ZNF469: variants seen among roughly 807,000 people sequenced by gnomAD.
ZNF469 encodes zinc finger protein 469.
ZNF469 carries 1 observed loss-of-function variant against 1.0 expected under a neutral mutation model. The ratio of observed to expected loss-of-function variants is 1.00; its 90% CI spans 0.35 to 4.73. ZNF469 has a LOEUF of 4.73. ZNF469 is among the 30% of genes most tolerant of loss of function. The pLI is 0.16. For synonymous variants in ZNF469, 2,703 were observed against 2,363.4 expected, an observed-to-expected ratio of 1.14 and a Z score of -4.17; for missense variants, 6,100 against 5,356.3, an observed-to-expected ratio of 1.14 and a Z score of -4.33.
chr16:88,173,195 T>C, the ZNF469 span, among the ~76,000 whole-genome samples: 2 of 152,282 alleles, frequency 1.3e-5, no homozygotes, highest in Admixed American at 6.5e-5. Flanking sequence ...AAGCCAGTGA[T>C]AAAGAGAAAT....
chr16:88,428,833 C>A lies in ZNF469; in HGVS notation c.1363C>A (p.Pro455Thr), dbSNP rs560911127. ...CCCTTACCCCACACCTCCTGGGGGC[C>A]CCCTGGCTGCCACCAGGAGTATGTT... ...AAPYPTPPGGPLAATRSMFFN... is the reference protein window; with the variant it reads ...AAPYPTPPGGTLAATRSMFFN... Residue 455 changes from proline (P) to threonine (T), a missense_variant, in exon 3 of 3, where the codon CCC becomes ACC. Transcript: ENST00000565624. The A allele has an allele frequency of 1.1e-4, 171 of 1,547,954 alleles. 3 individuals carry two copies. The African/African-American group carries it at 2.0e-3, about 18-fold the overall frequency.
At chr16:88,320,308 G>T in the ZNF469 span, among the ~76,000 whole-genome samples, 46 of 152,252 alleles carry the variant, frequency 3.0e-4, no homozygotes, top group African/African-American at 9.1e-4. Context: ...TACTCTAATG[G>T]TAATAATTAT....
the ZNF469 span, among the ~76,000 whole-genome samples, chr16:88,162,392 A>G: frequency 1.3e-5 from 2 of 151,180 alleles, no homozygotes; most frequent in East Asian, 3.9e-4. Context: ...CACATCAATG[A>G]CATAGTGTTA....
chr16:88,301,378 T>C, the ZNF469 span, among the ~76,000 whole-genome samples: 1 of 152,170 alleles, frequency 6.6e-6, no homozygotes, highest in East Asian at 1.9e-4. Context: ...ATGGTCTCAA[T>C]CTCCTGACCT....
the ZNF469 span, among the ~76,000 whole-genome samples, chr16:88,153,175 C>G: frequency 6.6e-6 from 1 of 152,346 alleles, no homozygotes; most frequent in East Asian, 1.9e-4. Context: ...AGCCCAATCT[C>G]GTTCTCTCTG....
At chr16:88,294,012 G>T in the ZNF469 span, among the ~76,000 whole-genome samples, 2 of 152,198 alleles carry the variant, frequency 1.3e-5, no homozygotes, top group African/African-American at 4.8e-5. Flanking sequence ...GCCCAGCTCC[G>T]AGTGCCAGGA....
the ZNF469 span, among the ~76,000 whole-genome samples, chr16:88,332,718 AGG>A: frequency 1.3e-5 from 2 of 151,816 alleles, no homozygotes; most frequent in East Asian, 1.9e-4. Flanking sequence ...AGGATGGGGG[AGG>A]GGGGGCTGCT....
At chr16:88,257,156 G>A in the ZNF469 span, among the ~76,000 whole-genome samples, 1 of 146,880 alleles carries the variant, frequency 6.8e-6, no homozygotes, top group Admixed American at 6.9e-5. Flanking sequence ...TAGAGAAAGG[G>A]TTTTGCCATG....
chr16:88,421,816 C>G (rs1003196791), intron 1 of ZNF469, among the ~76,000 whole-genome samples: 20 of 152,248 alleles, frequency 1.3e-4, no homozygotes, highest in African/African-American at 4.8e-4. Context: ...ACCCGTCACA[C>G]CACCTCTCTG....
chr16:88,343,497 G>T, the ZNF469 span, among the ~76,000 whole-genome samples: 2 of 152,288 alleles, frequency 1.3e-5, no homozygotes, highest in South Asian at 4.1e-4. Flanking sequence ...CATTTCTGCT[G>T]CTGTAGCTGA....
chr16:88,119,810 G>T, the ZNF469 span, among the ~76,000 whole-genome samples: 1 of 152,206 alleles, frequency 6.6e-6, no homozygotes, highest in African/African-American at 2.4e-5. Flanking sequence ...TTGGTTAACT[G>T]GGAGCGTGTC....
the ZNF469 span, among the ~76,000 whole-genome samples, chr16:88,350,547 A>T: frequency 6.6e-6 from 1 of 152,182 alleles, no homozygotes; most frequent in Admixed American, 6.5e-5. Context: ...ACCTGAATTA[A>T]CAGGGGAGGC....
chr16:88,224,642 C>A, the ZNF469 span, among the ~76,000 whole-genome samples: 1 of 152,220 alleles, frequency 6.6e-6, no homozygotes, highest in African/African-American at 2.4e-5. Flanking sequence ...GGCTGCACCT[C>A]AATCCAGGCT....
intron 1 of ZNF469, among the ~76,000 whole-genome samples, chr16:88,391,640 C>G (rs960480625): frequency 6.6e-6 from 1 of 152,162 alleles, no homozygotes; most frequent in Non-Finnish European, 1.5e-5. Flanking sequence ...CAGGTGGGGC[C>G]GGGGGACAGG....
chr16:88,184,004 C>G, the ZNF469 span, among the ~76,000 whole-genome samples: 1 of 151,856 alleles, frequency 6.6e-6, no homozygotes, highest in South Asian at 2.1e-4. Context: ...CTGTTCCTAC[C>G]GGGAAGGAGG....
chr16:88,105,299 CTTTCTTTT>C, the ZNF469 span, among the ~76,000 whole-genome samples: 2 of 96,738 alleles, frequency 2.1e-5, no homozygotes, highest in Non-Finnish European at 3.8e-5. Context: ...TTTTTTCTTT[CTTTCTTTT>C]TTTTTTTTTT....
the ZNF469 span, among the ~76,000 whole-genome samples, chr16:88,121,096 T>C: frequency 7.5e-6 from 1 of 133,352 alleles, no homozygotes; most frequent in Non-Finnish European, 1.6e-5. Context: ...ACCTGCTGTG[T>C]ACCATGCACG....
At chr16:88,337,974 A>G in the ZNF469 span, among the ~76,000 whole-genome samples, 1 of 152,154 alleles carries the variant, frequency 6.6e-6, no homozygotes, top group Non-Finnish European at 1.5e-5. Context: ...TGAAACACAA[A>G]TGTTTTTAGC....
intron 1 of ZNF469, among the ~76,000 whole-genome samples, chr16:88,394,377 A>C (rs1904594958): frequency 1.3e-5 from 2 of 152,244 alleles, no homozygotes. Context: ...ATGAGAAAAG[A>C]GGTGAAATGA....
Sources: allele counts gnomAD v4.1 joint callset (sites outside exome capture counted in the v4.1 genomes callset), GRCh38; gene constraint gnomAD v4.1.1; transcripts MANE v1.5; gene names NCBI Gene and HGNC (gene_info 2026-07-23, HGNC 2026-07-21).